CACUL1: variants seen among roughly 807,000 people sequenced by gnomAD.
CACUL1 encodes the protein CDK2 associated cullin domain 1.
Under a neutral mutation model 45.2 loss-of-function variants are expected in CACUL1, and 13 were observed. The ratio of observed to expected loss-of-function variants is 0.29; its 90% CI spans 0.19 to 0.46. The LOEUF (loss-of-function observed/expected upper bound fraction) is 0.46. Ranked by LOEUF, CACUL1 falls within the 20% of genes least tolerant of loss-of-function variation. The probability of loss-of-function intolerance (pLI) is 1.00; values close to 1 mark genes in which losing one functional copy is unlikely to be tolerated. For synonymous variants in CACUL1, 197 were observed against 174.2 expected, an observed-to-expected ratio of 1.13 and a Z score of -1.03; for missense variants, 421 against 471.4, an observed-to-expected ratio of 0.89 and a Z score of 0.99.
At chr10:118,747,270 T>C (rs538774506) in intron 1 of CACUL1, among the ~76,000 whole-genome samples, 1 of 152,178 alleles carries the variant, frequency 6.6e-6, no homozygotes, top group South Asian at 2.1e-4. Flanking sequence ...CAAGTGCCAA[T>C]TAAGTAAGTG....
At chr10:118,724,057 A>G (rs1270629382) in intron 3 of CACUL1, among the ~76,000 whole-genome samples, 2 of 152,056 alleles carry the variant, frequency 1.3e-5, no homozygotes, top group African/African-American at 2.4e-5. Context: ...GAGCCACCAC[A>G]CCTGGCCGAA....
chr10:118,720,078 T>A (rs1845586484), intron 3 of CACUL1, among the ~76,000 whole-genome samples: 1 of 152,224 alleles, frequency 6.6e-6, no homozygotes, highest in Admixed American at 6.5e-5. Flanking sequence ...CACTTAGATC[T>A]TTTACTTCTT....
intron 3 of CACUL1, among the ~76,000 whole-genome samples, chr10:118,714,949 C>G (rs1589609831): frequency 6.6e-6 from 1 of 152,132 alleles, no homozygotes; most frequent in East Asian, 1.9e-4. Flanking sequence ...AACACACACA[C>G]TTTAGGAATA....
At chr10:118,710,388 C>G (rs1845473734) in intron 3 of CACUL1, among the ~76,000 whole-genome samples, 1 of 152,160 alleles carries the variant, frequency 6.6e-6, no homozygotes, top group South Asian at 2.1e-4. Flanking sequence ...CCTTCTACAC[C>G]TACTTAAATT....
chr10:118,709,159 CTATT>C (rs1185223452), intron 3 of CACUL1, among the ~76,000 whole-genome samples: 1 of 152,118 alleles, frequency 6.6e-6, no homozygotes, highest in African/African-American at 2.4e-5. Flanking sequence ...AAAAATATAT[CTATT>C]CATTAAGTGG....
rs901931476 is a variant in CACUL1, at chr10:118,685,110, T to G, written c.*1018A>C. 6.6e-6 allele frequency: 1 copy of G among 152,196 alleles called. No individual in the cohort carries two copies. The highest frequency in any genetic ancestry group is 2.4e-5 in the African/African-American group (1 of 41,446). The allele number at this position is 152,196 out of a possible 1,614,324, so 9.4% of individuals were successfully genotyped here. A position where few individuals can be genotyped will look rare whatever the true frequency, so the allele number is the denominator to read the frequency against. ...AAGTAATTATCTCATTCATTTAAAA[T>G]GAAGTGATCAGGAACCCCACACCAC... On this transcript the variant is annotated 3_prime_UTR_variant, in exon 9 of 9. Coordinates refer to ENST00000369151, the MANE Select transcript of CACUL1 (RefSeq NM_153810.5).
intron 7 of CACUL1, among the ~76,000 whole-genome samples, chr10:118,688,914 A>C (rs554886773): frequency 7.9e-4 from 121 of 152,360 alleles, no homozygotes; most frequent in African/African-American, 2.8e-3. Flanking sequence ...CTTTATTTTA[A>C]AACAATTCAA....
In CACUL1 at chr10:118,678,023, T is replaced by C. The variant is rs1845114249; in HGVS notation, c.*8105A>G. 2 of 152,216 alleles carry C rather than the reference T, an allele frequency of 1.3e-5. No individual in the cohort carries two copies. 9.4% of individuals were successfully genotyped at this position (152,216 alleles called of 1,614,324 possible). ...AGACTTCTCATAATTTCTGCCAAGT[T>C]GTCAGCAAGGAAATGGTATCTATGC... On this transcript the variant is annotated 3_prime_UTR_variant, in exon 9 of 9. Coordinates refer to ENST00000369151, the MANE Select transcript of CACUL1 (RefSeq NM_153810.5).
intron 1 of CACUL1, among the ~76,000 whole-genome samples, chr10:118,750,912 T>A (rs979865577): frequency 1.3e-5 from 2 of 152,218 alleles, no homozygotes; most frequent in Non-Finnish European, 2.9e-5. Context: ...AGGCATACAG[T>A]GTGTAATAAT....
At chr10:118,703,962 G>C (rs1383175856) in intron 4 of CACUL1, among the ~76,000 whole-genome samples, 4 of 150,764 alleles carry the variant, frequency 2.7e-5, no homozygotes, top group African/African-American at 9.9e-5. Context: ...TTCCAATTTT[G>C]CATTTTTTCC....
intron 3 of CACUL1, among the ~76,000 whole-genome samples, chr10:118,711,525 G>T (rs1845485782): frequency 6.6e-6 from 1 of 152,060 alleles, no homozygotes; most frequent in South Asian, 2.1e-4. Flanking sequence ...TCTAAAAATG[G>T]TATTTCGGCA....
At position 118,700,305 on chromosome 10, in the gene CACUL1, C is replaced by G. The variant is rs138928218; in HGVS notation, c.796+1001G>C. On this transcript the variant is annotated intron_variant, in intron 5 of 8. Transcript: ENST00000369151. ...ATAAGATAGGAGCTTTAAAAGGACG[C>G]TGAGGACACTGAGACATTAGGTTAC... Among the ~76,000 whole-genome samples, 24 of 152,158 alleles carry G rather than the reference C, an allele frequency of 1.6e-4. No individual in the cohort carries two copies. In the East Asian group the frequency reaches 4.7e-3, roughly 29 times the overall value.
At chr10:118,701,003 C>T (rs573590892) in intron 5 of CACUL1, among the ~76,000 whole-genome samples, 2 of 152,214 alleles carry the variant, frequency 1.3e-5, no homozygotes, top group South Asian at 4.1e-4. Context: ...TAGAAGTGAA[C>T]TTCCTAATAA....
At chr10:118,743,417 A>G (rs1398113598) in intron 1 of CACUL1, among the ~76,000 whole-genome samples, 1 of 152,188 alleles carries the variant, frequency 6.6e-6, no homozygotes. Context: ...AAAAGTACCC[A>G]GGAAAAAAAG....
chr10:118,702,577 CTTTT>C (rs1845393157), intron 4 of CACUL1, among the ~76,000 whole-genome samples: 1 of 94,386 alleles, frequency 1.1e-5, no homozygotes, highest in African/African-American at 3.8e-5. Flanking sequence ...CAAAGTTTTT[CTTTT>C]TTCTTTTTTT....
At chr10:118,712,648 C>T (rs771802517) in intron 3 of CACUL1, among the ~76,000 whole-genome samples, 1 of 152,212 alleles carries the variant, frequency 6.6e-6, no homozygotes, top group Non-Finnish European at 1.5e-5. Flanking sequence ...CCAGGGTGTC[C>T]GGACAAGTGT....
chr10:118,716,516 T>C (rs986912998), intron 3 of CACUL1, among the ~76,000 whole-genome samples: 3 of 152,104 alleles, frequency 2.0e-5, no homozygotes, highest in Admixed American at 6.5e-5. Context: ...TTGCTGTTTA[T>C]GTTATCCAGG....
intron 4 of CACUL1, among the ~76,000 whole-genome samples, chr10:118,704,931 C>A (rs890130559): frequency 3.9e-5 from 6 of 152,248 alleles, no homozygotes; most frequent in Non-Finnish European, 7.3e-5. Flanking sequence ...CACAGGCGAG[C>A]TGGGGCACAT....
In CACUL1 at chr10:118,684,052, T is replaced by A. The variant is rs1417560752; in HGVS notation, c.*2076A>T. The A allele has an allele frequency of 6.6e-6, 1 of 152,666 alleles. No homozygotes were observed. The highest frequency in any genetic ancestry group is 1.9e-4 in the East Asian group (1 of 5,198). The allele number at this position is 152,666 out of a possible 1,614,324, so 9.5% of individuals were successfully genotyped here. ...ATTTTGCAAACTTTACTTTGCCCAC[T>A]TTTTATTAATACATACATAGTAAAA... On this transcript the variant is annotated 3_prime_UTR_variant, in exon 9 of 9. Transcript: ENST00000369151.
Sources: gnomAD v4.1 joint callset for allele counts (sites outside exome capture counted in the v4.1 genomes callset) on GRCh38, gnomAD v4.1.1 for gene constraint, MANE v1.5 for transcripts, NCBI Gene and HGNC (gene_info 2026-07-23, HGNC 2026-07-21) for gene names.